Variants in TNFRSF11B observed in about 807,000 individuals in gnomAD.
The protein encoded by TNFRSF11B is TNF receptor superfamily member 11b.
Under a neutral mutation model 43.4 loss-of-function variants are expected in TNFRSF11B, and 16 were observed. The observed-to-expected ratio is 0.37, with a 90% CI of 0.25 to 0.56. The LOEUF (loss-of-function observed/expected upper bound fraction) is 0.56, where lower values mean the gene tolerates loss of function less well. Among genes scored for constraint, TNFRSF11B ranks in the 20% least tolerant of loss-of-function variants. TNFRSF11B has a pLI of 0.80. For synonymous variants in TNFRSF11B, 185 were observed against 181.8 expected (o/e 1.02, Z -0.14); for missense variants, 444 against 490.1 (o/e 0.91, Z 0.89).
intron 1 of TNFRSF11B, among the ~76,000 whole-genome samples, chr8:118,936,447 A>C (rs1015302540): frequency 6.6e-6 from 1 of 152,170 alleles, no homozygotes; most frequent in Non-Finnish European, 1.5e-5. Flanking sequence ...ATTCCCACAC[A>C]GAATTTCTGG....
intron 1 of TNFRSF11B, among the ~76,000 whole-genome samples, chr8:118,939,711 T>C (rs1304177558): frequency 1.3e-5 from 2 of 152,214 alleles, no homozygotes; most frequent in African/African-American, 4.8e-5. Context: ...CAAGTGATGA[T>C]GTCTGGTAGA....
At chr8:118,930,750 T>G (rs891442130) in intron 2 of TNFRSF11B, 20 of 452,310 alleles carry the variant, frequency 4.4e-5, no homozygotes, top group African/African-American at 3.5e-4. Context: ...TATCTGTGGC[T>G]TGGGTCTTCT....
intron 1 of TNFRSF11B, among the ~76,000 whole-genome samples, chr8:118,935,677 C>T (rs1276211954): frequency 6.6e-6 from 1 of 152,046 alleles, no homozygotes; most frequent in African/African-American, 2.4e-5. Flanking sequence ...ATGAGGATTT[C>T]CTGATTCAAC....
rs1301676046 is a variant in TNFRSF11B at position 118,933,254 on chromosome 8, G to A, written c.77C>T (p.Pro26Leu). Residue 26 changes from proline (P) to leucine (L), a missense_variant, in exon 2 of 5, where the codon CCA (proline) becomes CTA (leucine). Pro to Leu is a moderately conservative substitution (Grantham distance 98, BLOSUM62 -3). Coordinates refer to ENST00000297350, the MANE Select transcript of TNFRSF11B (RefSeq NM_002546.4). Reference protein sequence around the residue: ...IKWTTQETFPPKYLHYDEETS... With the variant: ...IKWTTQETFPLKYLHYDEETS... The stretch of plus-strand genomic sequence containing the variant: ...TTCTTCGTCATAATGAAGGTACTTT[G>A]GAGGAAACGTTTCCTGGGTGGTCCA... 4 of 1,614,066 alleles carry A rather than the reference G, an allele frequency of 2.5e-6. No homozygotes were observed. The highest frequency in any genetic ancestry group is 3.4e-6 in the Non-Finnish European group (4 of 1,180,020).
chr8:118,951,866 G>T lies in TNFRSF11B; in HGVS notation c.-45C>A, dbSNP rs1467080164. On this transcript the variant is annotated 5_prime_UTR_variant, in exon 1 of 5. Coordinates refer to ENST00000297350, the MANE Select transcript of TNFRSF11B (RefSeq NM_002546.4). ...AGGGGCTTGGAGGCGGCGGCTGGGC[G>T]AGCGCTCCGGTGCGTCTCCGCAGCC... The T allele has an allele frequency of 3.2e-6, 5 of 1,550,656 alleles. No homozygotes were observed. The highest frequency in any genetic ancestry group is 1.9e-5 in the Admixed American group (1 of 53,282).
Position 118,933,172 on chromosome 8 carries a change from G to A in TNFRSF11B, c.159C>T (p.His53=). The A allele has an allele frequency of 6.2e-7, 1 of 1,614,186 alleles. No homozygotes were observed. The highest frequency in any genetic ancestry group is 8.5e-7 in the Non-Finnish European group (1 of 1,180,034). ...ACACGGTCTTCCACTTTGCTGTACA[G>A]TGTTGTTTTAGGTAGGTACCAGGAG... ...KCPPGTYLKQ[H]CTAKWKTVCA... The change falls in exon 2 of 5, where the codon CAC becomes CAT. Residue 53 remains histidine (H), a synonymous_variant. Coordinates refer to ENST00000297350, the MANE Select transcript of TNFRSF11B (RefSeq NM_002546.4).
chr8:118,951,630 G>A (rs528189775), intron 1 of TNFRSF11B, among the ~76,000 whole-genome samples, 162 bp downstream of exon 1: 288 of 152,286 alleles, frequency 1.9e-3, no homozygotes, highest in Non-Finnish European at 2.6e-3. Flanking sequence ...GGGGAAGCAT[G>A]GCATAACTTG....
At chr8:118,947,735 A>G (rs1812587886) in intron 1 of TNFRSF11B, among the ~76,000 whole-genome samples, 2 of 152,222 alleles carry the variant, frequency 1.3e-5, no homozygotes, top group East Asian at 1.9e-4. Context: ...GAAGATTATT[A>G]AAATTTGTTC....
At chr8:118,949,880 CTA>C (rs1011110119) in intron 1 of TNFRSF11B, among the ~76,000 whole-genome samples, 3 of 152,058 alleles carry the variant, frequency 2.0e-5, no homozygotes, top group Admixed American at 2.0e-4. Context: ...CATCTGGACT[CTA>C]TGTGTAAATA....
intron 1 of TNFRSF11B, among the ~76,000 whole-genome samples, chr8:118,939,453 T>C (rs1905786): frequency 0.55 from 83,450 of 151,934 alleles, 23,821 homozygotes; most frequent in East Asian, 0.75. Context: ...AAAGACTCAA[T>C]AGAGAAACAG....
intron 2 of TNFRSF11B, among the ~76,000 whole-genome samples, chr8:118,931,777 T>C (rs1177052093): frequency 2.0e-5 from 3 of 152,218 alleles, no homozygotes; most frequent in African/African-American, 4.8e-5. Flanking sequence ...ACCTAAAGTA[T>C]TGGTCGTCTA....
intron 2 of TNFRSF11B, chr8:118,930,668 T>G: frequency 2.4e-6 from 1 of 417,796 alleles, no homozygotes; most frequent in East Asian, 7.3e-5. Context: ...CGCCTTGACC[T>G]CTCAAACTCT....
At chr8:118,938,228 G>A (rs1225253373) in intron 1 of TNFRSF11B, among the ~76,000 whole-genome samples, 1 of 152,068 alleles carries the variant, frequency 6.6e-6, no homozygotes. Context: ...TGATCTGCCT[G>A]CTTCAGCCTT....
Position 118,924,201 on chromosome 8 carries a change from TGGA to T in TNFRSF11B, c.*170_*172del, listed in dbSNP as rs1812218668. The T allele has an allele frequency of 1.5e-6, 1 of 659,578 alleles. No homozygotes were observed. Among genetic ancestry groups the T allele is most frequent in the African/African-American group, 1.8e-5 (1 of 55,212 alleles). The allele number at this position is 659,578 out of a possible 1,614,324, so 40.9% of individuals were successfully genotyped here. ...GTTGGATTAACCATTTGGGGTTTAT[TGGA>T]GGAGATGTTAGTCCTTTCTCCACAT... is the stretch of plus-strand genomic sequence containing the variant. On this transcript the variant is annotated 3_prime_UTR_variant, in exon 5 of 5. Coordinates refer to ENST00000297350, the MANE Select transcript of TNFRSF11B (RefSeq NM_002546.4).
In TNFRSF11B at chr8:118,928,914, T is replaced by A; in HGVS notation, c.416A>T (p.Asn139Ile). Residue 139 changes from asparagine to isoleucine, a missense_variant, in exon 3 of 5, where the codon AAT (asparagine) becomes ATT (isoleucine). Transcript: ENST00000297350. ...ATCTGGACATCTTTTGCAAACTGTATTTCGCTCTGGGGTTCCTACAGAAAA... is the reference window on the plus strand; with the variant it reads ...ATCTGGACATCTTTTGCAAACTGTAATTCGCTCTGGGGTTCCTACAGAAAA... ...GVVQAGTPER[N>I]TVCKRCPDGF... is the part of the protein sequence containing the mutation. 1 of 1,614,200 alleles carries A rather than the reference T, an allele frequency of 6.2e-7. No homozygotes were observed. The highest frequency in any genetic ancestry group is 8.5e-7 in the Non-Finnish European group (1 of 1,180,030).
At chr8:118,942,445 G>C (rs1447600455) in intron 1 of TNFRSF11B, among the ~76,000 whole-genome samples, 1 of 151,998 alleles carries the variant, frequency 6.6e-6, no homozygotes, top group Non-Finnish European at 1.5e-5. Context: ...GAAAAGCCAT[G>C]TGGTGATGAA....
At chr8:118,934,427 C>G (rs902230153) in intron 1 of TNFRSF11B, among the ~76,000 whole-genome samples, 2 of 152,182 alleles carry the variant, frequency 1.3e-5, no homozygotes, top group Non-Finnish European at 2.9e-5. Flanking sequence ...CTGACCACAT[C>G]TCTTCAGGTG....
At chr8:118,947,691 A>C (rs532633786) in intron 1 of TNFRSF11B, among the ~76,000 whole-genome samples, 1 of 152,314 alleles carries the variant, frequency 6.6e-6, no homozygotes, top group East Asian at 1.9e-4. Context: ...ATACAAACTT[A>C]ATTTTTCAGG....
At chr8:118,944,994 T>C (rs193190598) in intron 1 of TNFRSF11B, among the ~76,000 whole-genome samples, 6 of 152,144 alleles carry the variant, frequency 3.9e-5, no homozygotes, top group Non-Finnish European at 8.8e-5. Context: ...ACAAGGAGAA[T>C]GTGTCTCAGA....
Sources: gnomAD v4.1 joint callset for allele counts (sites outside exome capture counted in the v4.1 genomes callset) on GRCh38, gnomAD v4.1.1 for gene constraint, MANE v1.5 for transcripts, NCBI Gene and HGNC (gene_info 2026-07-23, HGNC 2026-07-21) for gene names.